Variants in TMEM170B observed in about 807,000 individuals in gnomAD.
The protein encoded by TMEM170B is transmembrane protein 170B.
A neutral mutation model predicts 13.0 loss-of-function variants in TMEM170B; 6 were observed. That is an observed-to-expected ratio of 0.46 (90% CI 0.25 to 0.91). The LOEUF is 0.91. TMEM170B is among the 40% of genes least tolerant of loss of function. The probability of loss-of-function intolerance (pLI) is 0.17; values close to 1 mark genes in which losing one functional copy is unlikely to be tolerated. For synonymous variants in TMEM170B, 61 were observed against 64.9 expected (o/e 0.94, Z 0.29); for missense variants, 138 against 165.2 (o/e 0.84, Z 0.90).
At chr6:11,565,575 A>G in intron 1 of TMEM170B, 91 bp from the exon 2 acceptor site, 1 of 1,388,486 alleles carries the variant, frequency 7.2e-7, no homozygotes, top group Non-Finnish European at 1.0e-6. Flanking sequence ...ATGTCATTTA[A>G]CCTCCCAAAC....
intron 1 of TMEM170B, among the ~76,000 whole-genome samples, chr6:11,546,033 AAAG>A (rs1360808123): frequency 6.7e-6 from 1 of 149,356 alleles, no homozygotes; most frequent in African/African-American, 2.5e-5. Context: ...AAAAAAAAAA[AAAG>A]GCAAGCTGTA....
chr6:11,575,835 G>A lies in TMEM170B; in HGVS notation c.*274G>A, dbSNP rs1759867443. ...AAGCACCTTGTTTAGCTGCCTATCA[G>A]GTTAACATTGGTGTTGAAATCATCG... On this transcript the variant is annotated 3_prime_UTR_variant, in exon 3 of 3. Transcript: ENST00000379426. The surrounding 1 kb of genome is among the most constrained non-coding windows in gnomAD (Gnocchi z 4.1). 1 of 256,904 alleles carries A rather than the reference G, an allele frequency of 3.9e-6. No individual in the cohort carries two copies. 15.9% of individuals were successfully genotyped at this position (256,904 alleles called of 1,614,324 possible).
At chr6:11,540,423 C>T (rs894268764) in intron 1 of TMEM170B, among the ~76,000 whole-genome samples, 2 of 152,184 alleles carry the variant, frequency 1.3e-5, no homozygotes, top group Admixed American at 6.5e-5. Flanking sequence ...GAGTAGATTG[C>T]ATCTCAAGAA....
intron 1 of TMEM170B, among the ~76,000 whole-genome samples, chr6:11,545,103 G>A (rs1759415284): frequency 6.6e-6 from 1 of 152,090 alleles, no homozygotes; most frequent in Admixed American, 6.5e-5. Context: ...AACTTGGCTG[G>A]TGTTAGGAAA....
Position 11,575,713 on chromosome 6 carries a change from G to A in TMEM170B, c.*152G>A. On this transcript the variant is annotated 3_prime_UTR_variant, in exon 3 of 3. Coordinates refer to ENST00000379426, the MANE Select transcript of TMEM170B (RefSeq NM_001100829.3). This position sits in a 1 kb window ranked among gnomAD's most constrained non-coding sequence, Gnocchi z 4.1. ...AGACCTTGAGCTGTGTGGAAGGATT[G>A]CCCTCTGGTGTTCAAGTGATTGCAC... 1.1e-6 allele frequency: 1 copy of A among 880,602 alleles called. No homozygotes were observed. The allele number at this position is 880,602 out of a possible 1,614,324, so 54.5% of individuals were successfully genotyped here. A position where few individuals can be genotyped will look rare whatever the true frequency, so the allele number is the denominator to read the frequency against.
At chr6:11,538,576 A>C (rs932365814) in intron 1 of TMEM170B, among the ~76,000 whole-genome samples, 1 of 151,952 alleles carries the variant, frequency 6.6e-6, no homozygotes, top group East Asian at 1.9e-4. Flanking sequence ...CCCTTCCCTG[A>C]GTCGCCAGGG....
At chr6:11,553,280 G>T (rs920115915) in intron 1 of TMEM170B, among the ~76,000 whole-genome samples, 4 of 152,118 alleles carry the variant, frequency 2.6e-5, no homozygotes, top group Non-Finnish European at 5.9e-5. Flanking sequence ...CCCATGCACT[G>T]CAAACCTGCA....
intron 1 of TMEM170B, among the ~76,000 whole-genome samples, chr6:11,547,005 ATATTG>A (rs533137210): frequency 1.1e-3 from 164 of 152,356 alleles, no homozygotes; most frequent in Non-Finnish European, 1.7e-3. Flanking sequence ...CGCTCTCAAA[ATATTG>A]TATTGTACTA....
At chr6:11,558,611 C>T (rs1435682457) in intron 1 of TMEM170B, among the ~76,000 whole-genome samples, 1 of 152,142 alleles carries the variant, frequency 6.6e-6, no homozygotes, top group Non-Finnish European at 1.5e-5. Flanking sequence ...GTCCCACCTC[C>T]CACTCCCCAC....
At chr6:11,563,120 T>C (rs1294472613) in intron 1 of TMEM170B, among the ~76,000 whole-genome samples, 1 of 152,182 alleles carries the variant, frequency 6.6e-6, no homozygotes. Context: ...GCAGATCACC[T>C]GAGGTCGGGA....
At chr6:11,548,317 A>T (rs989102494) in intron 1 of TMEM170B, among the ~76,000 whole-genome samples, 9 of 152,238 alleles carry the variant, frequency 5.9e-5, no homozygotes, top group African/African-American at 2.2e-4. Context: ...CAACAGACAC[A>T]AGAAAAAATG....
At chr6:11,561,948 ACAC>A (rs1759670359) in intron 1 of TMEM170B, among the ~76,000 whole-genome samples, 1 of 152,226 alleles carries the variant, frequency 6.6e-6, no homozygotes, top group African/African-American at 2.4e-5. Context: ...TAGTCAAACA[ACAC>A]TACTTTTTTA....
intron 1 of TMEM170B, among the ~76,000 whole-genome samples, chr6:11,558,502 A>G (rs796970946): frequency 8.5e-5 from 13 of 152,340 alleles, no homozygotes; most frequent in African/African-American, 2.9e-4. Context: ...CCAGTGCCCA[A>G]GCTACATCGT....
chr6:11,539,494 G>A (rs1759330478), intron 1 of TMEM170B, among the ~76,000 whole-genome samples: 1 of 152,052 alleles, frequency 6.6e-6, no homozygotes, highest in Non-Finnish European at 1.5e-5. Flanking sequence ...AACATTCATA[G>A]AAGAAAATTT....
At position 11,581,680 on chromosome 6, in the gene TMEM170B, G is replaced by C. The variant is rs922432990; in HGVS notation, c.*6119G>C. ...ATCACCACTTTAAAAATTTTATTCT[G>C]TCTTGCTGAATTAAGCAGAAATCAC... On this transcript the variant is annotated 3_prime_UTR_variant, in exon 3 of 3. Transcript: ENST00000379426. The C allele has an allele frequency of 3.9e-5, 6 of 152,118 alleles. No homozygotes were observed. The highest frequency in any genetic ancestry group is 1.2e-4 in the African/African-American group (5 of 41,402). The allele number at this position is 152,118 out of a possible 1,614,324, so 9.4% of individuals were successfully genotyped here.
At position 11,577,876 on chromosome 6, in the gene TMEM170B, AT is replaced by A. The variant is rs1341862970; in HGVS notation, c.*2319del. The A allele has an allele frequency of 1.3e-5, 2 of 151,852 alleles. No individual in the cohort carries two copies. The highest frequency in any genetic ancestry group is 1.5e-5 in the Non-Finnish European group (1 of 67,922). The allele number at this position is 151,852 out of a possible 1,614,324, so 9.4% of individuals were successfully genotyped here. Reference sequence around the variant, plus strand: ...GCTGTTTTCAGTTATTTCCATTGAGATTTTGTGCAACTGTCTCTCTTTTGAT... The same window carrying A: ...GCTGTTTTCAGTTATTTCCATTGAGATTTGTGCAACTGTCTCTCTTTTGAT... On this transcript the variant is annotated 3_prime_UTR_variant, in exon 3 of 3. Transcript: ENST00000379426.
rs1485413495 is a variant in TMEM170B at position 11,577,741 on chromosome 6, T to C, written c.*2180T>C. On this transcript the variant is annotated 3_prime_UTR_variant, in exon 3 of 3. Coordinates refer to ENST00000379426, the MANE Select transcript of TMEM170B (RefSeq NM_001100829.3). ...CTAGAATGAAAGTATAATTGAACGG[T>C]TAATAATTAGTTTGTAGAGTGTCCT... is the stretch of plus-strand genomic sequence containing the variant. 6.6e-6 allele frequency: 1 copy of C among 152,088 alleles called. No homozygotes were observed. The highest frequency in any genetic ancestry group is 1.5e-5 in the Non-Finnish European group (1 of 67,938). 9.4% of individuals were successfully genotyped at this position (152,088 alleles called of 1,614,324 possible).
At chr6:11,562,833 C>T (rs1759686652) in intron 1 of TMEM170B, among the ~76,000 whole-genome samples, 1 of 152,142 alleles carries the variant, frequency 6.6e-6, no homozygotes, top group African/African-American at 2.4e-5. Context: ...TGTATATCCA[C>T]CACTATAGTC....
intron 1 of TMEM170B, among the ~76,000 whole-genome samples, chr6:11,546,978 A>G (rs758792758): frequency 3.3e-5 from 5 of 152,256 alleles, no homozygotes; most frequent in Non-Finnish European, 5.9e-5. Context: ...AGTAAAAGTT[A>G]TATGAATGCG....
Sources: allele counts gnomAD v4.1 joint callset (sites outside exome capture counted in the v4.1 genomes callset), GRCh38; gene constraint gnomAD v4.1.1; non-coding constraint Gnocchi (gnomAD v3.1); transcripts MANE v1.5; gene names NCBI Gene and HGNC (gene_info 2026-07-23, HGNC 2026-07-21).